The following ASH1L variants were observed in gnomAD, a reference collection of about 807,000 sequenced individuals.
ASH1L encodes the protein ASH1 like histone lysine methyltransferase.
In ASH1L, 23 loss-of-function variants were observed where a neutral mutation model predicts 269.0. That is an observed-to-expected ratio of 0.09 (90% CI 0.06 to 0.12). The LOEUF (loss-of-function observed/expected upper bound fraction) is 0.12. Among genes scored for constraint, ASH1L ranks in the 10% least tolerant of loss-of-function variants. ASH1L has a pLI of 1.00. For missense variants in ASH1L, 2,912 were observed against 3,567.8 expected, an observed-to-expected ratio of 0.82 and a Z score of 4.68; for synonymous variants, 1,187 against 1,253.5, an observed-to-expected ratio of 0.95 and a Z score of 1.12.
At chr1:155,524,285 G>A (rs1195672381) in intron 1 of ASH1L, among the ~76,000 whole-genome samples, 2 of 152,138 alleles carry the variant, frequency 1.3e-5, no homozygotes, top group East Asian at 3.9e-4. Context: ...CACTTTGGGA[G>A]GCTGACGGGG....
chr1:155,414,192 T>C (rs977097669), intron 6 of ASH1L, among the ~76,000 whole-genome samples: 1 of 152,240 alleles, frequency 6.6e-6, no homozygotes, highest in African/African-American at 2.4e-5. Context: ...TTTTTGCCAC[T>C]AGTAATTCAT....
At chr1:155,402,862 CTTTTT>C (rs113884065) in intron 6 of ASH1L, among the ~76,000 whole-genome samples, 2 of 135,990 alleles carry the variant, frequency 1.5e-5, no homozygotes, top group African/African-American at 5.7e-5. Context: ...CCAAGTTATA[CTTTTT>C]TTTTTTTTTT....
intron 19 of ASH1L, 24 bp from the exon 20 acceptor site, chr1:155,347,928 C>A: frequency 1.2e-6 from 2 of 1,611,452 alleles, no homozygotes; most frequent in South Asian, 1.1e-5. Flanking sequence ...ATAAAGAAAT[C>A]ATGTTTGGTT....
Position 155,562,141 on chromosome 1 carries a change from C to T in ASH1L, c.-100+12G>A. 1 of 1,516,678 alleles carries T rather than the reference C, an allele frequency of 6.6e-7. No individual in the cohort carries two copies. Among genetic ancestry groups the T allele is most frequent in the East Asian group, 2.3e-5 (1 of 44,046 alleles). 94.0% of individuals were successfully genotyped at this position (1,516,678 alleles called of 1,614,324 possible). ...CTTAGGCCCGAATGCCGGCCCAAAT[C>T]GTTCTACTCACCGTGTCGGAGGCCG... On this transcript the variant is annotated intron_variant, in intron 1 of 27. Transcript: ENST00000392403.
At chr1:155,378,228 T>A in intron 10 of ASH1L, 53 bp downstream of exon 10, 1 of 1,387,528 alleles carries the variant, frequency 7.2e-7, no homozygotes, top group South Asian at 1.2e-5. Flanking sequence ...AAAGGAAGTG[T>A]TGTATGTATA....
At chr1:155,492,542 G>C (rs1666879146) in intron 2 of ASH1L, among the ~76,000 whole-genome samples, 1 of 152,000 alleles carries the variant, frequency 6.6e-6, no homozygotes, top group African/African-American at 2.4e-5. Context: ...ATTGTTCTAA[G>C]AACATTACTC....
At chr1:155,418,852 G>A (rs1326073223) in intron 5 of ASH1L, among the ~76,000 whole-genome samples, 3 of 150,584 alleles carry the variant, frequency 2.0e-5, no homozygotes, top group Non-Finnish European at 1.5e-5. Flanking sequence ...GGTGGATCAC[G>A]AGGTCAGGAG....
Position 155,562,748 on chromosome 1 carries a change from A to G in ASH1L, c.-695T>C, listed in dbSNP as rs773269398. Reference sequence around the variant, plus strand: ...CCTCACTACCCCTCAGGCCCTGTCAAGCCGGCGCCGGCGCAGGCCCTCACG... The same window carrying G: ...CCTCACTACCCCTCAGGCCCTGTCAGGCCGGCGCCGGCGCAGGCCCTCACG... On this transcript the variant is annotated 5_prime_UTR_variant, in exon 1 of 28. Transcript: ENST00000392403. 82 of 1,199,694 alleles carry G rather than the reference A, an allele frequency of 6.8e-5. No individual in the cohort carries two copies. In the East Asian group the frequency reaches 1.9e-3, roughly 28 times the overall value. 74.3% of individuals were successfully genotyped at this position (1,199,694 alleles called of 1,614,324 possible).
At chr1:155,456,027 T>C (rs1454685296) in intron 4 of ASH1L, among the ~76,000 whole-genome samples, 2 of 152,190 alleles carry the variant, frequency 1.3e-5, no homozygotes, top group African/African-American at 2.4e-5. Context: ...GCTCTGTCTT[T>C]TGTCTCTTCC....
At chr1:155,560,130 C>G (rs561666984) in intron 1 of ASH1L, among the ~76,000 whole-genome samples, 2 of 152,076 alleles carry the variant, frequency 1.3e-5, no homozygotes, top group African/African-American at 4.8e-5. Context: ...TCCACACACC[C>G]GAACAATGAA....
At chr1:155,476,091 C>G (rs957350331) in intron 3 of ASH1L, among the ~76,000 whole-genome samples, 5 of 152,034 alleles carry the variant, frequency 3.3e-5, no homozygotes, top group African/African-American at 1.2e-4. Context: ...TCTCTCTTTA[C>G]GTTGTTAAAA....
chr1:155,562,884 C>A (rs1413943444), upstream of ASH1L: 1 of 453,304 alleles, frequency 2.2e-6, no homozygotes, highest in South Asian at 1.5e-5. Flanking sequence ...CCACGGCCGC[C>A]GCCGCCGCCG....
At chr1:155,396,649 T>C (rs772336634) in intron 6 of ASH1L, among the ~76,000 whole-genome samples, 25 of 151,960 alleles carry the variant, frequency 1.6e-4, no homozygotes, top group Admixed American at 1.4e-3. Flanking sequence ...ATATATTTAT[T>C]TCCTTTAACG....
chr1:155,404,027 G>C (rs560903559), intron 6 of ASH1L, among the ~76,000 whole-genome samples: 5 of 148,172 alleles, frequency 3.4e-5, no homozygotes, highest in Admixed American at 6.8e-5. Flanking sequence ...TTGCACTCCA[G>C]CCTGGGCAAC....
chr1:155,524,659 C>T (rs1404394100), intron 1 of ASH1L, among the ~76,000 whole-genome samples: 1 of 151,654 alleles, frequency 6.6e-6, no homozygotes, highest in Non-Finnish European at 1.5e-5. Flanking sequence ...ACAGTGAGAC[C>T]TCATCTCTAC....
intron 2 of ASH1L, among the ~76,000 whole-genome samples, chr1:155,506,299 T>C (rs1667811721): frequency 6.6e-6 from 1 of 152,206 alleles, no homozygotes; most frequent in South Asian, 2.1e-4. Flanking sequence ...CAACTCTATT[T>C]CAAAATAATT....
chr1:155,436,398 T>G (rs554081564), intron 5 of ASH1L, among the ~76,000 whole-genome samples: 1 of 151,222 alleles, frequency 6.6e-6, no homozygotes, highest in African/African-American at 2.4e-5. Context: ...TCCATGTTGA[T>G]CAGGCCGGTC....
intron 1 of ASH1L, among the ~76,000 whole-genome samples, chr1:155,550,081 C>T (rs771320541): frequency 1.3e-5 from 2 of 151,898 alleles, no homozygotes; most frequent in South Asian, 2.1e-4. Flanking sequence ...AGTGCCGTGG[C>T]GTAATCTCAG....
intron 2 of ASH1L, among the ~76,000 whole-genome samples, chr1:155,488,148 G>T (rs1666455513): frequency 6.6e-6 from 1 of 151,630 alleles, no homozygotes. Context: ...GCCTCCCAAA[G>T]TGCTGGGATT....
Sources: allele counts gnomAD v4.1 joint callset (sites outside exome capture counted in the v4.1 genomes callset), GRCh38; gene constraint gnomAD v4.1.1; transcripts MANE v1.5; gene names NCBI Gene and HGNC (gene_info 2026-07-23, HGNC 2026-07-21).